Variants in KHDRBS2 observed in about 807,000 individuals in gnomAD.
The protein encoded by KHDRBS2 is KH RNA binding domain containing, signal transduction associated 2.
A neutral mutation model predicts 44.3 loss-of-function variants in KHDRBS2; 26 were observed. The observed-to-expected ratio is 0.59, with a 90% CI of 0.43 to 0.81. The LOEUF is 0.81. Ranked by LOEUF, KHDRBS2 falls within the 40% of genes least tolerant of loss-of-function variation. The pLI is 0.00. For missense variants in KHDRBS2, 476 were observed against 433.1 expected (o/e 1.10, Z -0.88); for synonymous variants, 194 against 151.1 (o/e 1.28, Z -2.08).
At chr6:61,810,167 G>A (rs1436537991) in intron 6 of KHDRBS2, among the ~76,000 whole-genome samples, 1 of 152,036 alleles carries the variant, frequency 6.6e-6, no homozygotes, top group Non-Finnish European at 1.5e-5. Context: ...TCACCAGTGA[G>A]TGTCCTGCAA....
intron 6 of KHDRBS2, among the ~76,000 whole-genome samples, chr6:61,762,279 T>A (rs1779375713): frequency 1.3e-5 from 2 of 152,218 alleles, no homozygotes; most frequent in African/African-American, 4.8e-5. Context: ...CCCAGTTTTT[T>A]GACCTGGGAA....
the KHDRBS2 span, among the ~76,000 whole-genome samples, chr6:61,594,842 C>T: frequency 3.3e-5 from 5 of 152,006 alleles, no homozygotes; most frequent in Admixed American, 6.5e-5. Flanking sequence ...TTTTGAGAAG[C>T]CTGTCAAATA....
At chr6:61,961,430 GAGAA>G (rs1009045196) in intron 4 of KHDRBS2, among the ~76,000 whole-genome samples, 77 of 146,784 alleles carry the variant, frequency 5.2e-4, no homozygotes, top group South Asian at 4.3e-4. Flanking sequence ...AAGAGAGAGA[GAGAA>G]AGAAAGAAAG....
At chr6:61,773,048 T>A (rs1461176658) in intron 6 of KHDRBS2, among the ~76,000 whole-genome samples, 2 of 152,126 alleles carry the variant, frequency 1.3e-5, no homozygotes, top group African/African-American at 4.8e-5. Flanking sequence ...CATTGTTTGA[T>A]ATTTGGGTTG....
At chr6:61,643,058 A>G in the KHDRBS2 span, among the ~76,000 whole-genome samples, 1 of 152,166 alleles carries the variant, frequency 6.6e-6, no homozygotes, top group African/African-American at 2.4e-5. Flanking sequence ...AAATACTGAT[A>G]TGTGTGCATG....
At chr6:61,613,747 C>T in the KHDRBS2 span, among the ~76,000 whole-genome samples, 3 of 152,134 alleles carry the variant, frequency 2.0e-5, no homozygotes, top group South Asian at 6.2e-4. Flanking sequence ...TAGAGGAAAG[C>T]TGTTACTGTT....
At chr6:61,976,545 T>G (rs1369562228) in intron 4 of KHDRBS2, among the ~76,000 whole-genome samples, 1 of 152,076 alleles carries the variant, frequency 6.6e-6, no homozygotes, top group African/African-American at 2.4e-5. Context: ...TTCTATTATA[T>G]TTTCTACAAT....
At chr6:61,878,002 T>C (rs1799681982) in intron 6 of KHDRBS2, among the ~76,000 whole-genome samples, 1 of 152,048 alleles carries the variant, frequency 6.6e-6, no homozygotes, top group Non-Finnish European at 1.5e-5. Context: ...CTTTCCATTT[T>C]TAGATTATCT....
intron 3 of KHDRBS2, among the ~76,000 whole-genome samples, chr6:61,997,353 A>T (rs1777388459): frequency 6.6e-6 from 1 of 152,166 alleles, no homozygotes; most frequent in Non-Finnish European, 1.5e-5. Context: ...CTCCTCTTTG[A>T]CTTATAGTCA....
intron 6 of KHDRBS2, among the ~76,000 whole-genome samples, chr6:61,818,285 G>T (rs1789310500): frequency 1.5e-5 from 2 of 132,302 alleles, no homozygotes; most frequent in Admixed American, 7.1e-5. Flanking sequence ...AAAAAAAAAG[G>T]ATAGTAGGCA....
chr6:62,223,584 G>T (rs974533186), intron 1 of KHDRBS2, among the ~76,000 whole-genome samples: 2 of 152,140 alleles, frequency 1.3e-5, no homozygotes, highest in African/African-American at 4.8e-5. Context: ...TTGTCAGGAT[G>T]CAAATTTTCT....
the KHDRBS2 span, among the ~76,000 whole-genome samples, chr6:61,557,452 A>G: frequency 1.3e-5 from 2 of 152,188 alleles, no homozygotes; most frequent in Non-Finnish European, 2.9e-5. Context: ...TTTTCCCTGA[A>G]TATCTCCATT....
chr6:61,861,111 T>C (rs1562320869), intron 6 of KHDRBS2, among the ~76,000 whole-genome samples: 1 of 152,144 alleles, frequency 6.6e-6, no homozygotes, highest in Non-Finnish European at 1.5e-5. Flanking sequence ...TGCTGGATAT[T>C]AGACCTTTGC....
the KHDRBS2 span, among the ~76,000 whole-genome samples, chr6:61,552,321 G>T: frequency 2.0e-5 from 3 of 152,058 alleles, no homozygotes; most frequent in Non-Finnish European, 4.4e-5. Context: ...CTTGGATGCT[G>T]TTGGTGCATG....
chr6:61,725,814 C>T (rs1178552698), intron 7 of KHDRBS2, among the ~76,000 whole-genome samples: 2 of 151,902 alleles, frequency 1.3e-5, no homozygotes, highest in Admixed American at 6.6e-5. Context: ...AGCCCACCAA[C>T]CAAAAAAATC....
At chr6:62,222,589 C>G (rs1470749761) in intron 1 of KHDRBS2, among the ~76,000 whole-genome samples, 1 of 152,114 alleles carries the variant, frequency 6.6e-6, no homozygotes, top group Non-Finnish European at 1.5e-5. Flanking sequence ...GGAGTACAAT[C>G]CAATATGAGA....
chr6:62,197,205 T>A (rs1825886670), intron 1 of KHDRBS2, among the ~76,000 whole-genome samples: 3 of 152,120 alleles, frequency 2.0e-5, no homozygotes, highest in Admixed American at 1.3e-4. Context: ...TCATATATAG[T>A]AAATTTAACA....
intron 5 of KHDRBS2, among the ~76,000 whole-genome samples, chr6:61,898,304 T>C (rs1350259773): frequency 1.3e-5 from 2 of 152,000 alleles, no homozygotes; most frequent in African/African-American, 4.8e-5. Context: ...GACCAATCTT[T>C]AATTTTCAAG....
Position 62,160,216 on chromosome 6 carries a change from G to A in KHDRBS2, c.219+16969C>T, listed in dbSNP as rs2150111271. On this transcript the variant is annotated intron_variant, in intron 2 of 8. Transcript: ENST00000281156. ...GAAGAGACCATAATAAAACAAACAA[G>A]CAAATTACAAACTACATTAAAAGAT... 2.0e-5 allele frequency among the ~76,000 whole-genome samples: 3 copies of A among 151,908 alleles called. No individual in the cohort carries two copies. The East Asian group carries it at 5.8e-4, about 29-fold the overall frequency.
Sources: gnomAD v4.1 joint callset for allele counts (sites outside exome capture counted in the v4.1 genomes callset) on GRCh38, gnomAD v4.1.1 for gene constraint, MANE v1.5 for transcripts, NCBI Gene and HGNC (gene_info 2026-07-23, HGNC 2026-07-21) for gene names.